Variants in CFAP43 observed in about 807,000 individuals in gnomAD.
CFAP43 encodes cilia- and flagella-associated protein 43.
In CFAP43, 155 loss-of-function variants were observed where a neutral mutation model predicts 218.9. The ratio of observed to expected loss-of-function variants is 0.71; its 90% CI spans 0.62 to 0.81. The LOEUF is 0.81. Among genes scored for constraint, CFAP43 ranks in the 30% least tolerant of loss-of-function variants. The probability of loss-of-function intolerance (pLI) is 0.00; values close to 1 mark genes in which losing one functional copy is unlikely to be tolerated. For missense variants in CFAP43, 1,778 were observed against 1,954.3 expected (o/e 0.91, Z 1.70); for synonymous variants, 645 against 681.3 (o/e 0.95, Z 0.83).
intron 27 of CFAP43, among the ~76,000 whole-genome samples, chr10:104,157,775 TGAGAGAGAGAGAGAGAGA>T (rs139314213): frequency 4.4e-5 from 4 of 90,160 alleles, no homozygotes; most frequent in African/African-American, 2.0e-4. Context: ...TGTGTGTGTG[TGAGAGAGAGAGAGAGAGA>T]GAGAGAGAGA....
chr10:104,184,028 A>C (rs1461023767), intron 16 of CFAP43, among the ~76,000 whole-genome samples: 1 of 152,206 alleles, frequency 6.6e-6, no homozygotes, highest in Non-Finnish European at 1.5e-5. Context: ...GTATTTTATT[A>C]CTGCTTTGAT....
intron 3 of CFAP43, among the ~76,000 whole-genome samples, chr10:104,224,200 T>C (rs983889491): frequency 2.6e-5 from 4 of 151,790 alleles, no homozygotes; most frequent in Non-Finnish European, 2.9e-5. Context: ...CCTGCCACCA[T>C]ACCCAGCTAA....
Position 104,175,084 on chromosome 10 carries a change from CAAACA to C in CFAP43, c.2461-2554_2461-2550del, listed in dbSNP as rs1410631644. Among the ~76,000 whole-genome samples the C allele has an allele frequency of 6.0e-4, 89 of 148,678 alleles. 1 individual carries two copies. Among genetic ancestry groups the C allele is most frequent in the African/African-American group, 2.1e-3 (87 of 40,678 alleles). On this transcript the variant is annotated intron_variant, in intron 19 of 37. Coordinates refer to ENST00000357060, the MANE Select transcript of CFAP43 (RefSeq NM_025145.7). ...TAAAACAAACAAACAAACAAACAAA[CAAACA>C]AAAAAAAACCAAAAAGAAAATATAA... is the stretch of plus-strand genomic sequence containing the variant.
intron 3 of CFAP43, among the ~76,000 whole-genome samples, chr10:104,224,869 T>C (rs2091271030): frequency 6.6e-6 from 1 of 152,040 alleles, no homozygotes; most frequent in Admixed American, 6.6e-5. Context: ...ATTTCTGGAA[T>C]ATTTTGTACT....
At chr10:104,203,376 A>G (rs2090588604) in intron 8 of CFAP43, 1 of 366,488 alleles carries the variant, frequency 2.7e-6, no homozygotes, top group Non-Finnish European at 4.8e-6. Flanking sequence ...CTGCATGGAA[A>G]TGGAGGCAGC....
intron 5 of CFAP43, among the ~76,000 whole-genome samples, chr10:104,211,756 T>A (rs957906959): frequency 3.3e-5 from 5 of 152,146 alleles, no homozygotes; most frequent in African/African-American, 4.8e-5. Context: ...CACCCCAAAT[T>A]GAGTATGCCC....
intron 4 of CFAP43, among the ~76,000 whole-genome samples, chr10:104,213,725 C>T (rs1034000492): frequency 2.6e-5 from 4 of 151,946 alleles, no homozygotes; most frequent in Admixed American, 6.6e-5. Flanking sequence ...TTAGTAGAGA[C>T]GGGGTTTCGC....
chr10:104,149,743 A>G (rs867740280), intron 28 of CFAP43, among the ~76,000 whole-genome samples: 44 of 152,212 alleles, frequency 2.9e-4, no homozygotes, highest in Admixed American at 2.0e-4. Flanking sequence ...GGATCTCAGC[A>G]TACCTTTAAA....
intron 27 of CFAP43, among the ~76,000 whole-genome samples, chr10:104,153,847 T>C (rs1018347429): frequency 2.6e-5 from 4 of 151,472 alleles, no homozygotes; most frequent in African/African-American, 7.3e-5. Context: ...CCTACACTTT[T>C]CTGAACCATT....
intron 20 of CFAP43, among the ~76,000 whole-genome samples, chr10:104,171,105 C>A (rs1297843370): frequency 1.3e-5 from 2 of 152,176 alleles, no homozygotes; most frequent in African/African-American, 4.8e-5. Context: ...AGATCTCCCA[C>A]ATCTATCACA....
intron 2 of CFAP43, among the ~76,000 whole-genome samples, chr10:104,226,822 C>A (rs757507686): frequency 6.6e-6 from 1 of 152,110 alleles, no homozygotes; most frequent in Non-Finnish European, 1.5e-5. Flanking sequence ...AGTTTGAGAG[C>A]AGCCTGGCCA....
At chr10:104,167,820 G>T in intron 21 of CFAP43, 83 bp from the exon 22 acceptor site, 1 of 1,001,684 alleles carries the variant, frequency 1.0e-6, no homozygotes, top group South Asian at 1.7e-5. Context: ...GATGTTTTCT[G>T]TGATTAAAAT....
At chr10:104,179,995 C>T in intron 17 of CFAP43, 63 bp from the exon 18 acceptor site, 1 of 1,269,490 alleles carries the variant, frequency 7.9e-7, no homozygotes, top group Admixed American at 1.8e-5. Context: ...TTTTTCCCCT[C>T]CCACCCTACC....
At position 104,193,992 on chromosome 10, in the gene CFAP43, G is replaced by A. The variant is rs200477961; in HGVS notation, c.1316C>T (p.Pro439Leu). ...NTLATVLACCPSSLSAAVGTE... is the reference protein window; with the variant it reads ...NTLATVLACCLSSLSAAVGTE... ...GCCCACGGCTGCAGAGAGGGAGGATGGACAGCAAGCCAGAACCGTTGCCTG... is the reference window on the plus strand; with the variant it reads ...GCCCACGGCTGCAGAGAGGGAGGATAGACAGCAAGCCAGAACCGTTGCCTG... The change falls in exon 11 of 38, where the codon CCA becomes CTA. Residue 439 changes from proline to leucine, a missense_variant. Pro to Leu is a moderately conservative substitution (Grantham distance 98). Around this residue, in one of 3 missense-constraint regions of CFAP43, gnomAD observed 1,553 missense variants for 1,685.2 expected, o/e 0.92. Coordinates refer to ENST00000357060, the MANE Select transcript of CFAP43 (RefSeq NM_025145.7). The A allele has an allele frequency of 8.7e-6, 14 of 1,613,778 alleles. No homozygotes were observed. In the Admixed American group the frequency reaches 2.0e-4, roughly 23 times the overall value.
At chr10:104,227,519 C>A (rs1288504847) in intron 2 of CFAP43, among the ~76,000 whole-genome samples, 1 of 152,124 alleles carries the variant, frequency 6.6e-6, no homozygotes, top group Non-Finnish European at 1.5e-5. Context: ...TAAAACAAAT[C>A]TTGAGATGAA....
In CFAP43 at chr10:104,232,164, G is replaced by C; in HGVS notation, c.65+18C>G. On this transcript the variant is annotated intron_variant, in intron 1 of 37. Transcript: ENST00000357060. The stretch of plus-strand genomic sequence containing the variant: ...TTCCGCGAGACCCAGATCGGTCGCG[G>C]GGCCGTGAACACCGCACCTCACGGA... The C allele has an allele frequency of 1.2e-6, 2 of 1,604,294 alleles. No individual in the cohort carries two copies.
chr10:104,180,745 G>A (rs143529124), intron 17 of CFAP43, among the ~76,000 whole-genome samples: 61 of 152,026 alleles, frequency 4.0e-4, no homozygotes, highest in Admixed American at 7.9e-4. Context: ...CACCGTCCCC[G>A]CCGGCCCACC....
In CFAP43 at chr10:104,142,327, C is replaced by T; in HGVS notation, c.4225G>A (p.Glu1409Lys). ...TFLQKRVEEE[E>K]KVQQEIERVF... ...CTCTCAATCTCCTGTTGCACCTTCTCTTCCTCCTCAACTCTCTTCTGGAGG... is the reference window on the plus strand; with the variant it reads ...CTCTCAATCTCCTGTTGCACCTTCTTTTCCTCCTCAACTCTCTTCTGGAGG... Residue 1409 changes from glutamate (E) to lysine (K), a missense_variant, in exon 33 of 38, where the codon GAG becomes AAG. Physicochemically the swap from Glu to Lys is moderately conservative, Grantham distance 56. Transcript: ENST00000357060. 1.2e-6 allele frequency: 2 copies of T among 1,613,674 alleles called. No homozygotes were observed. Among genetic ancestry groups the T allele is most frequent in the East Asian group, 4.5e-5 (2 of 44,816 alleles).
At chr10:104,191,586 T>C (rs1230729049) in intron 12 of CFAP43, among the ~76,000 whole-genome samples, 1 of 152,124 alleles carries the variant, frequency 6.6e-6, no homozygotes, top group Non-Finnish European at 1.5e-5. Flanking sequence ...CCATTCTGCA[T>C]TTTCCTCCTC....
Sources: gnomAD v4.1 joint callset for allele counts (sites outside exome capture counted in the v4.1 genomes callset) on GRCh38, gnomAD v4.1.1 for gene constraint, gnomAD v4.1.1 regional missense constraint, MANE v1.5 for transcripts, NCBI Gene and HGNC (gene_info 2026-07-23, HGNC 2026-07-21) for gene names.